Variants in PPARGC1A observed in about 807,000 individuals in gnomAD.
The protein encoded by PPARGC1A is PPARG coactivator 1 alpha, also known as peroxisome proliferator-activated receptor gamma coactivator 1-alpha.
Under a neutral mutation model 88.7 loss-of-function variants are expected in PPARGC1A, and 25 were observed. That is an observed-to-expected ratio of 0.28 (90% CI 0.21 to 0.39). The LOEUF is 0.39. PPARGC1A is among the 10% of genes least tolerant of loss of function. PPARGC1A has a pLI of 1.00. For missense variants in PPARGC1A, 880 were observed against 968.7 expected, an observed-to-expected ratio of 0.91 and a Z score of 1.22; for synonymous variants, 363 against 355.6, an observed-to-expected ratio of 1.02 and a Z score of -0.24.
At chr4:24,170,943 C>A in the PPARGC1A span, among the ~76,000 whole-genome samples, 1 of 150,588 alleles carries the variant, frequency 6.6e-6, no homozygotes, top group African/African-American at 2.5e-5. Context: ...ACCATCTGAC[C>A]CCCTGGCTGA....
chr4:24,347,643 A>C, the PPARGC1A span, among the ~76,000 whole-genome samples: 2 of 152,106 alleles, frequency 1.3e-5, no homozygotes, highest in Admixed American at 6.6e-5. Flanking sequence ...AGTGTATGTG[A>C]GTCCTTATGT....
At chr4:24,078,668 A>G in the PPARGC1A span, among the ~76,000 whole-genome samples, 3 of 152,048 alleles carry the variant, frequency 2.0e-5, no homozygotes, top group East Asian at 1.9e-4. Flanking sequence ...GCAGAGCAAA[A>G]CAGCCTGCTT....
the PPARGC1A span, among the ~76,000 whole-genome samples, chr4:24,325,563 G>A: frequency 8.5e-5 from 13 of 152,104 alleles, no homozygotes; most frequent in East Asian, 5.8e-4. Flanking sequence ...CCATCTGTGC[G>A]GGACCCCACT....
the PPARGC1A span, among the ~76,000 whole-genome samples, chr4:24,470,204 G>A: frequency 6.6e-6 from 1 of 150,626 alleles, no homozygotes; most frequent in Non-Finnish European, 1.5e-5. This position sits in a 1 kb window ranked among gnomAD's most constrained non-coding sequence, Gnocchi z 5.8. Context: ...CGGGTGCGTG[G>A]TTCAAGCCTT....
chr4:23,874,621 G>A (rs997142932), intron 2 of PPARGC1A, among the ~76,000 whole-genome samples: 6 of 151,630 alleles, frequency 4.0e-5, no homozygotes, highest in Admixed American at 1.3e-4. Flanking sequence ...CTCTCACTAC[G>A]CTTTGTAAAA....
chr4:24,364,581 A>G, the PPARGC1A span, among the ~76,000 whole-genome samples: 2 of 152,194 alleles, frequency 1.3e-5, no homozygotes, highest in Non-Finnish European at 2.9e-5. Flanking sequence ...TCTAAGAATA[A>G]TAAGAAAAAA....
the PPARGC1A span, among the ~76,000 whole-genome samples, chr4:24,430,750 C>G: frequency 5.3e-5 from 8 of 151,962 alleles, no homozygotes; most frequent in Non-Finnish European, 1.2e-4. Context: ...AACCCTGGAG[C>G]CAGGGAAGCC....
At chr4:23,852,222 C>G (rs567513182) in intron 2 of PPARGC1A, among the ~76,000 whole-genome samples, 1 of 152,308 alleles carries the variant, frequency 6.6e-6, no homozygotes, top group South Asian at 2.1e-4. Flanking sequence ...CCAGTCCAGA[C>G]ATACGTTTCA....
chr4:24,452,248 C>T, the PPARGC1A span, among the ~76,000 whole-genome samples: 1 of 147,598 alleles, frequency 6.8e-6, no homozygotes, highest in African/African-American at 2.5e-5. Context: ...CTGCCTGCCC[C>T]ACCCCCCCAC....
the PPARGC1A span, among the ~76,000 whole-genome samples, chr4:24,383,858 T>C: frequency 9.3e-3 from 1,413 of 152,204 alleles, 10 homozygotes; most frequent in Non-Finnish European, 0.016. Context: ...AACATTCAAA[T>C]TCAGGAAATA....
At chr4:24,412,423 A>T in the PPARGC1A span, among the ~76,000 whole-genome samples, 1 of 152,182 alleles carries the variant, frequency 6.6e-6, no homozygotes, top group East Asian at 1.9e-4. Context: ...GAATAAATTT[A>T]ATGATGTGAA....
the PPARGC1A span, among the ~76,000 whole-genome samples, chr4:24,092,181 G>C: frequency 6.6e-6 from 1 of 152,076 alleles, no homozygotes; most frequent in Non-Finnish European, 1.5e-5. Context: ...TGAGCATCTA[G>C]AGTCCCTCCC....
the PPARGC1A span, among the ~76,000 whole-genome samples, chr4:24,381,943 A>G: frequency 3.3e-5 from 5 of 152,240 alleles, no homozygotes; most frequent in African/African-American, 1.2e-4. Context: ...TAGGAACTTC[A>G]ATCCATATTG....
chr4:24,169,523 T>A, the PPARGC1A span, among the ~76,000 whole-genome samples: 1 of 151,936 alleles, frequency 6.6e-6, no homozygotes, highest in Non-Finnish European at 1.5e-5. Flanking sequence ...ATCTTTGCAG[T>A]TTTTCTGTAA....
the PPARGC1A span, among the ~76,000 whole-genome samples, chr4:24,206,991 G>A: frequency 4.0e-5 from 6 of 150,544 alleles, no homozygotes; most frequent in East Asian, 2.0e-4. Flanking sequence ...TAAACCCTCC[G>A]TCTCTCAGTT....
chr4:23,977,011 A>AGAGGAGAAGGAAAAGG, the PPARGC1A span, among the ~76,000 whole-genome samples: 14 of 151,948 alleles, frequency 9.2e-5, no homozygotes, highest in East Asian at 1.9e-3. Flanking sequence ...GAAGGAAAAG[A>AGAGGAGAAGGAAAAGG]GAGAGGAGGA....
chr4:24,322,421 A>T, the PPARGC1A span, among the ~76,000 whole-genome samples: 1 of 152,256 alleles, frequency 6.6e-6, no homozygotes, highest in African/African-American at 2.4e-5. Flanking sequence ...CTGATGGTTC[A>T]TCTGGTAACA....
chr4:24,414,566 A>G, the PPARGC1A span, among the ~76,000 whole-genome samples: 2 of 152,230 alleles, frequency 1.3e-5, no homozygotes, highest in South Asian at 4.2e-4. Context: ...TCGACAATCC[A>G]ATTGGATCCC....
the PPARGC1A span, among the ~76,000 whole-genome samples, chr4:23,923,364 A>T: frequency 5.9e-5 from 9 of 152,066 alleles, no homozygotes; most frequent in Non-Finnish European, 1.0e-4. Context: ...TGTTCCTTTC[A>T]CAACCTGTTC....
Sources: gnomAD v4.1 joint callset for allele counts (sites outside exome capture counted in the v4.1 genomes callset) on GRCh38, gnomAD v4.1.1 for gene constraint, Gnocchi (gnomAD v3.1) non-coding constraint, MANE v1.5 for transcripts, NCBI Gene and HGNC (gene_info 2026-07-23, HGNC 2026-07-21) for gene names.